SARNP: variants seen among roughly 807,000 people sequenced by gnomAD.
The protein encoded by SARNP is SAP domain containing ribonucleoprotein, also known as SAP domain-containing ribonucleoprotein.
SARNP carries 5 observed loss-of-function variants against 38.1 expected under a neutral mutation model. The observed-to-expected ratio is 0.13, with a 90% CI of 0.07 to 0.28. The LOEUF (loss-of-function observed/expected upper bound fraction) is 0.28. Among genes scored for constraint, SARNP ranks in the 10% least tolerant of loss-of-function variants. The pLI, the probability that SARNP is intolerant of heterozygous loss-of-function variation, is 1.00. For missense variants in SARNP, 180 were observed against 243.9 expected, an observed-to-expected ratio of 0.74 and a Z score of 1.75; for synonymous variants, 84 against 80.6, an observed-to-expected ratio of 1.04 and a Z score of -0.23.
chr12:55,783,076 C>G (rs769128627), intron 9 of SARNP, among the ~76,000 whole-genome samples: 6 of 152,008 alleles, frequency 3.9e-5, no homozygotes, highest in Non-Finnish European at 8.8e-5. Flanking sequence ...CGCCACTGTA[C>G]TCCAGCCTGG....
At chr12:55,758,119 G>A (rs940727118) in intron 10 of SARNP, among the ~76,000 whole-genome samples, 2 of 152,140 alleles carry the variant, frequency 1.3e-5, no homozygotes, top group Non-Finnish European at 2.9e-5. Context: ...CCCTATCATA[G>A]ATCTCTTAAA....
chr12:55,761,294 C>CA (rs1367858859), intron 9 of SARNP, among the ~76,000 whole-genome samples: 1 of 152,148 alleles, frequency 6.6e-6, no homozygotes, highest in Non-Finnish European at 1.5e-5. Context: ...GAATAACACC[C>CA]AAAGTTACAC....
intron 1 of SARNP, among the ~76,000 whole-genome samples, chr12:55,804,364 A>G (rs1250111354): frequency 2.0e-5 from 3 of 152,070 alleles, no homozygotes; most frequent in East Asian, 3.8e-4. Flanking sequence ...AGGAGGAAGG[A>G]GAATTGATGG....
At chr12:55,808,598 A>C (rs1259556938) in intron 1 of SARNP, among the ~76,000 whole-genome samples, 1 of 151,852 alleles carries the variant, frequency 6.6e-6, no homozygotes, top group Non-Finnish European at 1.5e-5. Context: ...CGCCCAGCCA[A>C]ATTTTTTTTT....
At chr12:55,810,614 A>G (rs889555586) in intron 1 of SARNP, among the ~76,000 whole-genome samples, 3 of 151,778 alleles carry the variant, frequency 2.0e-5, no homozygotes, top group Non-Finnish European at 2.9e-5. Context: ...CACCATGCCC[A>G]GCTAATTTTG....
chr12:55,794,427 C>A, intron 6 of SARNP, 40 bp from the exon 7 acceptor site: 1 of 1,586,526 alleles, frequency 6.3e-7, no homozygotes, highest in South Asian at 1.1e-5. Context: ...GGAAGCTGTT[C>A]ACACTCCTGG....
At chr12:55,791,289 G>A (rs756641236) in intron 7 of SARNP, among the ~76,000 whole-genome samples, 1 of 152,124 alleles carries the variant, frequency 6.6e-6, no homozygotes, top group Non-Finnish European at 1.5e-5. Context: ...ATGAAATAAT[G>A]AATTATATAT....
At chr12:55,786,442 T>C (rs1050186617) in intron 9 of SARNP, among the ~76,000 whole-genome samples, 3 of 147,028 alleles carry the variant, frequency 2.0e-5, no homozygotes, top group Non-Finnish European at 4.4e-5. Context: ...TTTGGTTTGT[T>C]TGTTTGTTTG....
At chr12:55,755,803 AAT>A (rs1019479002), downstream of SARNP, 7 of 151,816 alleles carry the variant, frequency 4.6e-5, no homozygotes, top group African/African-American at 1.7e-4. Flanking sequence ...AAAAAAAAAA[AAT>A]CCTCACAAAT....
chr12:55,794,981 AAAG>A (rs887679618), intron 5 of SARNP, 101 bp from the exon 6 acceptor site: 32 of 639,896 alleles, frequency 5.0e-5, no homozygotes, highest in Non-Finnish European at 2.7e-5. Flanking sequence ...AAAAAAAAAA[AAAG>A]AGTCTCACTC....
intron 9 of SARNP, among the ~76,000 whole-genome samples, chr12:55,765,877 A>C (rs746363813): frequency 3.3e-5 from 5 of 152,050 alleles, no homozygotes; most frequent in Non-Finnish European, 7.4e-5. Context: ...CAGTAAATCA[A>C]CACAGTTCTA....
chr12:55,783,435 T>G (rs548102447), intron 9 of SARNP, among the ~76,000 whole-genome samples: 1 of 152,308 alleles, frequency 6.6e-6, no homozygotes, highest in South Asian at 2.1e-4. Context: ...GTAAAAAATT[T>G]CTGTAAATGC....
intron 7 of SARNP, chr12:55,792,535 C>CTTTTTTTTT (rs71074859): frequency 4.4e-3 from 457 of 103,134 alleles, no homozygotes; most frequent in African/African-American, 8.7e-3. Context: ...CCACACCCAG[C>CTTTTTTTTT]TTTTTTTTTT....
chr12:55,768,760 G>A (rs1487673209), intron 9 of SARNP, among the ~76,000 whole-genome samples: 1 of 149,768 alleles, frequency 6.7e-6, no homozygotes, highest in Non-Finnish European at 1.5e-5. Context: ...GTCTCATTCT[G>A]TTGCCCAGGC....
intron 9 of SARNP, among the ~76,000 whole-genome samples, chr12:55,772,948 C>G (rs753200030): frequency 2.6e-4 from 40 of 152,226 alleles, no homozygotes; most frequent in Non-Finnish European, 4.7e-4. Context: ...CTTCCAATCT[C>G]AGGTGATCTG....
intron 9 of SARNP, 46 bp from the exon 10 acceptor site, chr12:55,760,686 C>T: frequency 5.5e-6 from 7 of 1,273,434 alleles, no homozygotes; most frequent in Non-Finnish European, 8.0e-6. Context: ...AGCCTCCATT[C>T]ACCAAGTAAA....
intron 1 of SARNP, among the ~76,000 whole-genome samples, chr12:55,805,473 A>G (rs1880110605): frequency 6.6e-6 from 1 of 152,104 alleles, no homozygotes; most frequent in Non-Finnish European, 1.5e-5. Context: ...GCACTCTGGG[A>G]GGCCAAGGCG....
At chr12:55,802,305 A>G (rs1880002240) in intron 2 of SARNP, among the ~76,000 whole-genome samples, 1 of 152,130 alleles carries the variant, frequency 6.6e-6, no homozygotes. Flanking sequence ...TCACAGGAAC[A>G]TAAGAGCATA....
chr12:55,773,530 A>C (rs554915924), intron 9 of SARNP, among the ~76,000 whole-genome samples: 1 of 152,310 alleles, frequency 6.6e-6, no homozygotes, highest in Non-Finnish European at 1.5e-5. Flanking sequence ...AGCAGAGAGA[A>C]TCTTTCATCA....
Sources: allele counts gnomAD v4.1 joint callset (sites outside exome capture counted in the v4.1 genomes callset), GRCh38; gene constraint gnomAD v4.1.1; transcripts MANE v1.5; gene names NCBI Gene and HGNC (gene_info 2026-07-23, HGNC 2026-07-21).